CYB5R3: variants seen among roughly 807,000 people sequenced by gnomAD.
CYB5R3 encodes the protein cytochrome b5 reductase 3, also known as NADH-cytochrome b5 reductase 3.
A neutral mutation model predicts 36.5 loss-of-function variants in CYB5R3; 28 were observed. The ratio of observed to expected loss-of-function variants is 0.77; its 90% CI spans 0.57 to 1.05. The LOEUF is 1.05. CYB5R3 is among the 50% of genes least tolerant of loss of function. The pLI, the probability that CYB5R3 is intolerant of heterozygous loss-of-function variation, is 0.00. For synonymous variants in CYB5R3, 181 were observed against 159.8 expected, an observed-to-expected ratio of 1.13 and a Z score of -1.00; for missense variants, 474 against 408.9, an observed-to-expected ratio of 1.16 and a Z score of -1.37.
chr22:42,639,232 G>A, intron 1 of CYB5R3: 1 of 278,796 alleles, frequency 3.6e-6, no homozygotes, highest in Admixed American at 5.0e-5. Context: ...GCTGGAGCAG[G>A]AGAATCATCT....
At chr22:42,646,202 TGCACACTCACAC>T (rs1929528565) in intron 1 of CYB5R3, among the ~76,000 whole-genome samples, 1 of 152,078 alleles carries the variant, frequency 6.6e-6, no homozygotes, top group African/African-American at 2.4e-5. Flanking sequence ...CTGTGCTGCG[TGCACACTCACAC>T]ACACACTCAC....
At chr22:42,625,066 G>C (rs1248076819) in intron 7 of CYB5R3, among the ~76,000 whole-genome samples, 3 of 152,156 alleles carry the variant, frequency 2.0e-5, no homozygotes, top group Non-Finnish European at 4.4e-5. Context: ...TGAGGACAGG[G>C]ACAGGGACAG....
At position 42,636,864 on chromosome 22, in the gene CYB5R3, G is replaced by T. The variant is rs2285141; in HGVS notation, c.22-18C>A. On this transcript the variant is annotated intron_variant, in intron 1 of 8. Transcript: ENST00000352397. ...TGGCCCAACTGAAACGACAGGACCC[G>T]CGGGGTCAGTGCAGGAGCCTGCCTT... The T allele has an allele frequency of 0.12, 189,241 of 1,611,294 alleles. 16,889 individuals carry two copies. Among genetic ancestry groups the T allele is most frequent in the East Asian group, 0.57 (25,317 of 44,696 alleles).
intron 1 of CYB5R3, chr22:42,646,846 G>A: frequency 1.0e-6 from 1 of 985,526 alleles, no homozygotes; most frequent in Non-Finnish European, 1.2e-6. Flanking sequence ...GAGTAAGCAT[G>A]GGGCTGCCAG....
chr22:42,645,552 AGGCCAG>A (rs1476490985), intron 1 of CYB5R3, among the ~76,000 whole-genome samples: 2 of 152,148 alleles, frequency 1.3e-5, no homozygotes, highest in Admixed American at 1.3e-4. Flanking sequence ...ACTGCTCAGA[AGGCCAG>A]GCTCGCCGTG....
At position 42,631,229 on chromosome 22, in the gene CYB5R3, G is replaced by A. The variant is rs1229943753; in HGVS notation, c.226+149C>T. The A allele has an allele frequency of 2.4e-5, 20 of 832,592 alleles. No homozygotes were observed. The East Asian group carries it at 5.3e-4, about 22-fold the overall frequency. 51.6% of individuals were successfully genotyped at this position (832,592 alleles called of 1,614,324 possible). A position where few individuals can be genotyped will look rare whatever the true frequency, so the allele number is the denominator to read the frequency against. On this transcript the variant is annotated intron_variant, in intron 3 of 8. Transcript: ENST00000352397. Reference sequence around the variant, plus strand: ...GGGCCTTCCCACTCTCATTCCAACAGACTCGCCCTCAAAGGCCCAGGGCAG... The same window carrying A: ...GGGCCTTCCCACTCTCATTCCAACAAACTCGCCCTCAAAGGCCCAGGGCAG...
chr22:42,626,995 A>G (rs1569318432), intron 7 of CYB5R3, among the ~76,000 whole-genome samples: 1 of 152,144 alleles, frequency 6.6e-6, no homozygotes, highest in Non-Finnish European at 1.5e-5. Context: ...TTCCCACTCT[A>G]CCAGTGGGTT....
chr22:42,633,746 G>A (rs1277901173), intron 2 of CYB5R3, among the ~76,000 whole-genome samples: 1 of 152,144 alleles, frequency 6.6e-6, no homozygotes, highest in Non-Finnish European at 1.5e-5. Context: ...TTGTGCCATT[G>A]CACTCCAGCC....
In CYB5R3 at chr22:42,639,128, G is replaced by A. The variant is rs567119710; in HGVS notation, c.22-2282C>T. On this transcript the variant is annotated intron_variant, in intron 1 of 8. Coordinates refer to ENST00000352397, the MANE Select transcript of CYB5R3 (RefSeq NM_000398.7). ...GCAGATTACTTGAGGTCAGAAGTTCGAGACCAGCCTGGCCAACATGGTGAA... is the reference window on the plus strand; with the variant it reads ...GCAGATTACTTGAGGTCAGAAGTTCAAGACCAGCCTGGCCAACATGGTGAA... 3.7e-5 allele frequency: 14 copies of A among 383,406 alleles called. 1 individual carries two copies. Among genetic ancestry groups the A allele is most frequent in the African/African-American group, 1.7e-4 (8 of 45,892 alleles). The allele number at this position is 383,406 out of a possible 1,614,324, so 23.8% of individuals were successfully genotyped here. A position where few individuals can be genotyped will look rare whatever the true frequency, so the allele number is the denominator to read the frequency against.
At chr22:42,643,212 G>A (rs1028208441) in intron 1 of CYB5R3, among the ~76,000 whole-genome samples, 16 of 152,128 alleles carry the variant, frequency 1.1e-4, no homozygotes, top group African/African-American at 3.4e-4. Context: ...GTGGAGCCAC[G>A]TGTCCTGTCT....
intron 7 of CYB5R3, among the ~76,000 whole-genome samples, chr22:42,624,699 C>T (rs1254542262): frequency 6.6e-6 from 1 of 150,808 alleles, no homozygotes; most frequent in Non-Finnish European, 1.5e-5. Context: ...TGTGCAGTGT[C>T]CCTGACCTCA....
intron 1 of CYB5R3, among the ~76,000 whole-genome samples, chr22:42,643,443 G>A (rs986897496): frequency 1.6e-5 from 1 of 64,514 alleles, no homozygotes; most frequent in East Asian, 3.0e-4. Context: ...CCTGGCCCCC[G>A]CCCCCCCACC....
At chr22:42,621,218 G>T (rs867531500) in intron 8 of CYB5R3, among the ~76,000 whole-genome samples, 3 of 149,498 alleles carry the variant, frequency 2.0e-5, no homozygotes, top group Admixed American at 2.0e-4. Context: ...GTGTGTGTGT[G>T]TTTTTAAGAG....
chr22:42,625,037 C>T, intron 7 of CYB5R3, among the ~76,000 whole-genome samples: 1 of 152,056 alleles, frequency 6.6e-6, no homozygotes, highest in Admixed American at 6.6e-5. Flanking sequence ...GGCTGAGGGC[C>T]CTTTCTGCCC....
At chr22:42,642,369 C>T (rs1049174144) in intron 1 of CYB5R3, among the ~76,000 whole-genome samples, 13 of 152,210 alleles carry the variant, frequency 8.5e-5, no homozygotes, top group Non-Finnish European at 1.9e-4. Context: ...CAGCCTCAGC[C>T]TTCCAAGTTC....
At chr22:42,644,460 C>A in intron 1 of CYB5R3, 1 of 849,008 alleles carries the variant, frequency 1.2e-6, no homozygotes, top group South Asian at 1.4e-5. Flanking sequence ...CTCCTCTCTG[C>A]CCCAAATGTC....
intron 2 of CYB5R3, chr22:42,632,287 C>G (rs1256187988): frequency 6.6e-6 from 1 of 152,336 alleles, no homozygotes; most frequent in Admixed American, 6.5e-5. Flanking sequence ...GTGAAGAAGC[C>G]ATGCGGAAGG....
chr22:42,647,246 G>T (rs1320618239), intron 1 of CYB5R3, among the ~76,000 whole-genome samples: 1 of 152,178 alleles, frequency 6.6e-6, no homozygotes, highest in Non-Finnish European at 1.5e-5. Context: ...GGGCGGGGGA[G>T]GGTTGGTGGA....
chr22:42,632,343 T>A (rs1928666221), intron 2 of CYB5R3: 1 of 152,306 alleles, frequency 6.6e-6, no homozygotes, highest in South Asian at 2.1e-4. Context: ...AAAGTCCACA[T>A]GTGGATGGTG....
Sources: allele counts gnomAD v4.1 joint callset (sites outside exome capture counted in the v4.1 genomes callset), GRCh38; gene constraint gnomAD v4.1.1; transcripts MANE v1.5; gene names NCBI Gene and HGNC (gene_info 2026-07-23, HGNC 2026-07-21).